KLF12: variants seen among roughly 807,000 people sequenced by gnomAD.
KLF12 encodes KLF transcription factor 12.
KLF12 carries 9 observed loss-of-function variants against 37.8 expected under a neutral mutation model. That is an observed-to-expected ratio of 0.24 (90% CI 0.14 to 0.42). KLF12 has a LOEUF of 0.42. Ranked by LOEUF, KLF12 falls within the 10% of genes least tolerant of loss-of-function variation. KLF12 has a pLI of 1.00. For missense variants in KLF12, 411 were observed against 516.0 expected, an observed-to-expected ratio of 0.80 and a Z score of 1.97; for synonymous variants, 208 against 202.1, an observed-to-expected ratio of 1.03 and a Z score of -0.25.
At chr13:74,245,010 T>C in the KLF12 span, among the ~76,000 whole-genome samples, 1 of 152,186 alleles carries the variant, frequency 6.6e-6, no homozygotes, top group Non-Finnish European at 1.5e-5. Flanking sequence ...GTCACTCTGA[T>C]GACTCTGATG....
intron 2 of KLF12, among the ~76,000 whole-genome samples, chr13:73,993,077 C>T (rs542926802): frequency 5.3e-5 from 8 of 152,086 alleles, no homozygotes; most frequent in Non-Finnish European, 8.8e-5. Context: ...ACTAAAAATA[C>T]AAAAAATTAG....
chr13:74,203,439 C>A, the KLF12 span, among the ~76,000 whole-genome samples: 2 of 152,006 alleles, frequency 1.3e-5, no homozygotes, highest in African/African-American at 4.8e-5. Context: ...AGTAAAAAAT[C>A]AAGCATCAAT....
intron 5 of KLF12, among the ~76,000 whole-genome samples, chr13:73,803,479 C>T (rs911058002): frequency 6.6e-6 from 1 of 152,092 alleles, no homozygotes; most frequent in Non-Finnish European, 1.5e-5. Context: ...CTGCCTACCA[C>T]CTTCCACACT....
chr13:74,296,386 G>A, the KLF12 span, among the ~76,000 whole-genome samples: 2 of 152,054 alleles, frequency 1.3e-5, no homozygotes, highest in African/African-American at 2.4e-5. Flanking sequence ...CCAATCTACT[G>A]CCATAGCCTG....
chr13:74,052,089 C>G (rs946635899), intron 1 of KLF12, among the ~76,000 whole-genome samples: 1 of 152,034 alleles, frequency 6.6e-6, no homozygotes, highest in Non-Finnish European at 1.5e-5. Flanking sequence ...GCTCCAAAAC[C>G]TTCAAGGTGT....
intron 1 of KLF12, among the ~76,000 whole-genome samples, chr13:74,042,100 T>C (rs1022194056): frequency 6.6e-5 from 10 of 151,814 alleles, no homozygotes; most frequent in African/African-American, 2.2e-4. Flanking sequence ...GGTGAGGAGT[T>C]CAAGACCAGC....
chr13:74,048,282 T>C (rs912427526), intron 1 of KLF12, among the ~76,000 whole-genome samples: 3 of 152,096 alleles, frequency 2.0e-5, no homozygotes, highest in Admixed American at 6.5e-5. Context: ...ACACACACAA[T>C]GAAAATTCTA....
the KLF12 span, among the ~76,000 whole-genome samples, chr13:74,170,294 T>A: frequency 1.3e-5 from 2 of 152,222 alleles, no homozygotes; most frequent in Non-Finnish European, 2.9e-5. Flanking sequence ...CGGAAATATA[T>A]TTAATTAATA....
intron 3 of KLF12, among the ~76,000 whole-genome samples, chr13:73,898,028 C>T (rs1236168902): frequency 1.3e-5 from 2 of 152,114 alleles, no homozygotes; most frequent in Non-Finnish European, 2.9e-5. Context: ...AAGATAGTTC[C>T]TGCCAGGGTA....
At chr13:74,268,661 G>C in the KLF12 span, among the ~76,000 whole-genome samples, 1 of 152,150 alleles carries the variant, frequency 6.6e-6, no homozygotes, top group Non-Finnish European at 1.5e-5. Flanking sequence ...TTCTCTCAGA[G>C]ATAGATAATA....
At chr13:73,798,359 A>T (rs1882109529) in intron 5 of KLF12, among the ~76,000 whole-genome samples, 1 of 152,158 alleles carries the variant, frequency 6.6e-6, no homozygotes, top group Non-Finnish European at 1.5e-5. Context: ...CATAGGAATA[A>T]GCAAAGATTT....
the KLF12 span, among the ~76,000 whole-genome samples, chr13:74,280,825 C>CTT: frequency 0.05 from 5,496 of 110,506 alleles, 447 homozygotes; most frequent in African/African-American, 0.16. Flanking sequence ...TTTCTTTTTT[C>CTT]TTTTTTTTTT....
intron 3 of KLF12, among the ~76,000 whole-genome samples, chr13:73,887,535 G>T (rs928020452): frequency 4.6e-5 from 7 of 152,090 alleles, no homozygotes; most frequent in African/African-American, 1.7e-4. Flanking sequence ...ATTACTGTAA[G>T]GTTCCCAAGG....
intron 7 of KLF12, among the ~76,000 whole-genome samples, chr13:73,696,677 T>C (rs920330497): frequency 2.6e-5 from 4 of 152,204 alleles, no homozygotes; most frequent in Admixed American, 2.6e-4. Context: ...AGCTATCTGC[T>C]GTTCCTCATG....
At chr13:73,914,845 C>T (rs1593718479) in intron 3 of KLF12, among the ~76,000 whole-genome samples, 1 of 152,146 alleles carries the variant, frequency 6.6e-6, no homozygotes, top group African/African-American at 2.4e-5. Context: ...TACATTTCCC[C>T]TCTTGCTCGT....
intron 5 of KLF12, among the ~76,000 whole-genome samples, chr13:73,791,235 G>C (rs910702372): frequency 1.2e-4 from 19 of 152,124 alleles, no homozygotes; most frequent in African/African-American, 4.6e-4. Context: ...ACTAATACAA[G>C]TGTATATTCA....
chr13:74,094,064 T>G (rs1249100929), intron 1 of KLF12, among the ~76,000 whole-genome samples: 3 of 152,154 alleles, frequency 2.0e-5, no homozygotes, highest in Admixed American at 2.0e-4. Context: ...AGTATATAAT[T>G]TTAAAGCCAT....
chr13:74,000,060 C>G (rs1297445062), intron 1 of KLF12, among the ~76,000 whole-genome samples: 1 of 152,114 alleles, frequency 6.6e-6, no homozygotes, highest in African/African-American at 2.4e-5. Flanking sequence ...AAGCCCTCCT[C>G]CCCACTTTTT....
At chr13:73,824,791 G>T (rs1477163565) in intron 4 of KLF12, among the ~76,000 whole-genome samples, 1 of 152,032 alleles carries the variant, frequency 6.6e-6, no homozygotes, top group East Asian at 1.9e-4. Context: ...TTTCAGGCTG[G>T]GCGCGGTGGC....
Sources: gnomAD v4.1 joint callset for allele counts (sites outside exome capture counted in the v4.1 genomes callset) on GRCh38, gnomAD v4.1.1 for gene constraint, MANE v1.5 for transcripts, NCBI Gene and HGNC (gene_info 2026-07-23, HGNC 2026-07-21) for gene names.